The following TAX1BP1 variants were observed in gnomAD, a reference collection of about 807,000 sequenced individuals.
TAX1BP1 encodes the protein tax1-binding protein 1.
A neutral mutation model predicts 97.7 loss-of-function variants in TAX1BP1; 62 were observed. The observed-to-expected ratio is 0.63, with a 90% confidence interval of 0.52 to 0.78. The LOEUF (loss-of-function observed/expected upper bound fraction) is 0.78, where lower values mean the gene tolerates loss of function less well. Among genes scored for constraint, TAX1BP1 ranks in the 30% least tolerant of loss-of-function variants. The probability of loss-of-function intolerance (pLI) is 0.00; values close to 1 mark genes in which losing one functional copy is unlikely to be tolerated. For missense variants in TAX1BP1, 867 were observed against 916.1 expected (o/e 0.95, Z 0.69); for synonymous variants, 340 against 304.2 (o/e 1.12, Z -1.23).
At chr7:27,786,358 C>T (rs1333847879) in intron 7 of TAX1BP1, among the ~76,000 whole-genome samples, 4 of 152,100 alleles carry the variant, frequency 2.6e-5, no homozygotes, top group Non-Finnish European at 4.4e-5. Flanking sequence ...TGGTCTCGAT[C>T]TCCTGACCCG....
intron 2 of TAX1BP1, among the ~76,000 whole-genome samples, chr7:27,752,756 TATACTC>T (rs1213856261): frequency 2.0e-5 from 3 of 152,212 alleles, no homozygotes; most frequent in African/African-American, 7.2e-5. Context: ...ATCTGAGCAT[TATACTC>T]CCTGTTTTAC....
At position 27,793,057 on chromosome 7, in the gene TAX1BP1, T is replaced by A; in HGVS notation, c.1264-9T>A. 6.3e-7 allele frequency: 1 copy of A among 1,575,044 alleles called. No homozygotes were observed. The highest frequency in any genetic ancestry group is 1.4e-5 in the African/African-American group (1 of 71,822). On this transcript the variant is annotated splice_polypyrimidine_tract_variant and intron_variant, in intron 9 of 16. Coordinates refer to ENST00000396319, the MANE Select transcript of TAX1BP1 (RefSeq NM_006024.7). ...TTATTTTTTTCTTCAAATGTTTGTTTCTTTCTAGGACAAGACTGATACACT... is the reference window on the plus strand; with the variant it reads ...TTATTTTTTTCTTCAAATGTTTGTTACTTTCTAGGACAAGACTGATACACT...
chr7:27,812,117 T>G (rs116278236), intron 13 of TAX1BP1, among the ~76,000 whole-genome samples: 1,810 of 152,316 alleles, frequency 0.012, 33 homozygotes, highest in African/African-American at 0.039. Flanking sequence ...CCACTGGCAG[T>G]GTATGAGCAT....
intron 5 of TAX1BP1, among the ~76,000 whole-genome samples, chr7:27,778,247 T>C (rs1789111708): frequency 6.6e-6 from 1 of 152,122 alleles, no homozygotes; most frequent in Admixed American, 6.5e-5. Context: ...AAAGTATTGC[T>C]ATGAAAAGCT....
chr7:27,750,661 A>G (rs890496340), intron 2 of TAX1BP1, among the ~76,000 whole-genome samples: 2 of 152,202 alleles, frequency 1.3e-5, no homozygotes, highest in Non-Finnish European at 2.9e-5. Context: ...TTGTATATGT[A>G]TAGGTTGTTT....
At chr7:27,809,343 C>T (rs1160228554) in intron 13 of TAX1BP1, among the ~76,000 whole-genome samples, 2 of 152,172 alleles carry the variant, frequency 1.3e-5, no homozygotes, top group East Asian at 3.8e-4. Flanking sequence ...GTTACAGGTA[C>T]CACAACCATT....
intron 8 of TAX1BP1, among the ~76,000 whole-genome samples, chr7:27,790,702 A>G (rs564141148): frequency 6.6e-6 from 1 of 152,236 alleles, no homozygotes; most frequent in South Asian, 2.1e-4. Context: ...ACTTATGGAA[A>G]TAAAATTGCT....
In TAX1BP1 at chr7:27,811,671, A is replaced by C. The variant is rs116416958; in HGVS notation, c.1765-4678A>C. Reference sequence around the variant, plus strand: ...AAATAGAGTTTGATGACTTTTGGCAAATGCATGTAGTTCTGTAACTACCGT... The same window carrying C: ...AAATAGAGTTTGATGACTTTTGGCACATGCATGTAGTTCTGTAACTACCGT... On this transcript the variant is annotated intron_variant, in intron 13 of 16. Transcript: ENST00000396319. Among the ~76,000 whole-genome samples, 423 of 152,198 alleles carry C rather than the reference A, an allele frequency of 2.8e-3. 1 individual carries two copies. The highest frequency in any genetic ancestry group is 6.8e-3 in the Middle Eastern group (2 of 294).
intron 7 of TAX1BP1, among the ~76,000 whole-genome samples, chr7:27,786,212 A>T (rs1483372856): frequency 6.6e-6 from 1 of 151,548 alleles, no homozygotes; most frequent in Non-Finnish European, 1.5e-5. Context: ...GCCCACTGCA[A>T]GCTCTGCCTC....
At chr7:27,795,774 G>C (rs1212734897) in intron 11 of TAX1BP1, among the ~76,000 whole-genome samples, 1 of 152,048 alleles carries the variant, frequency 6.6e-6, no homozygotes, top group African/African-American at 2.4e-5. Context: ...GGATGGTCTC[G>C]ATCTCCTGCC....
intron 13 of TAX1BP1, among the ~76,000 whole-genome samples, chr7:27,803,923 A>G (rs1358173401): frequency 6.6e-6 from 1 of 152,180 alleles, no homozygotes; most frequent in East Asian, 1.9e-4. Flanking sequence ...TTAAAGAACA[A>G]TTTCTATATT....
chr7:27,810,083 A>G (rs1186780189), intron 13 of TAX1BP1, among the ~76,000 whole-genome samples: 2 of 151,486 alleles, frequency 1.3e-5, no homozygotes, highest in African/African-American at 4.8e-5. Flanking sequence ...AATTTTTTAT[A>G]TTTTTAGTAG....
At chr7:27,790,771 A>G (rs1789675315) in intron 8 of TAX1BP1, among the ~76,000 whole-genome samples, 1 of 152,130 alleles carries the variant, frequency 6.6e-6, no homozygotes, top group Non-Finnish European at 1.5e-5. Flanking sequence ...ATCTGATGAG[A>G]AAAGATGCCA....
intron 7 of TAX1BP1, among the ~76,000 whole-genome samples, chr7:27,785,702 G>T (rs903074980): frequency 2.6e-5 from 4 of 152,170 alleles, no homozygotes; most frequent in Non-Finnish European, 5.9e-5. Flanking sequence ...GCTTACTCCA[G>T]TGGCTTTTGG....
At chr7:27,800,188 A>T (rs1379597514) in intron 13 of TAX1BP1, 98 bp downstream of exon 13, 7 of 1,117,118 alleles carry the variant, frequency 6.3e-6, no homozygotes, top group East Asian at 5.9e-5. Flanking sequence ...TTAAATATGG[A>T]TAATTGATAG....
intron 12 of TAX1BP1, 23 bp downstream of exon 12, chr7:27,796,242 GAA>G: frequency 6.7e-7 from 1 of 1,487,354 alleles, no homozygotes; most frequent in Admixed American, 2.3e-5. Context: ...CCTTGTAAGT[GAA>G]AGAGATTTAT....
At chr7:27,821,630 G>C (rs1365985849) in intron 15 of TAX1BP1, among the ~76,000 whole-genome samples, 2 of 116,726 alleles carry the variant, frequency 1.7e-5, no homozygotes, top group African/African-American at 6.5e-5. Context: ...GCAAGACTCG[G>C]TCTCAAAAAA....
intron 7 of TAX1BP1, among the ~76,000 whole-genome samples, chr7:27,786,655 G>A (rs2128316501): frequency 6.6e-6 from 1 of 152,318 alleles, no homozygotes; most frequent in South Asian, 2.1e-4. Flanking sequence ...AAGTGATGCT[G>A]CAAGGGTGTT....
In TAX1BP1 at chr7:27,816,333, T is replaced by C; in HGVS notation, c.1765-16T>C. On this transcript the variant is annotated splice_polypyrimidine_tract_variant and intron_variant, in intron 13 of 16. Coordinates refer to ENST00000396319, the MANE Select transcript of TAX1BP1 (RefSeq NM_006024.7). ...TTATTGCTTTGCTTATTCATCTTTG[T>C]TTTTGTTAATTTTAGGAACTTAAAA... The C allele has an allele frequency of 1.3e-6, 2 of 1,542,500 alleles. No individual in the cohort carries two copies. The highest frequency in any genetic ancestry group is 1.7e-6 in the Non-Finnish European group (2 of 1,154,300).
Sources: gnomAD v4.1 joint callset for allele counts (sites outside exome capture counted in the v4.1 genomes callset) on GRCh38, gnomAD v4.1.1 for gene constraint, MANE v1.5 for transcripts, NCBI Gene and HGNC (gene_info 2026-07-23, HGNC 2026-07-21) for gene names.